Variants in ZNF536 observed in about 807,000 individuals in gnomAD.
ZNF536 encodes the protein zinc finger protein 536.
Under a neutral mutation model 84.5 loss-of-function variants are expected in ZNF536, and 13 were observed. The observed-to-expected ratio is 0.15, with a 90% confidence interval of 0.10 to 0.24. The LOEUF (loss-of-function observed/expected upper bound fraction) is 0.24. ZNF536 is among the 10% of genes least tolerant of loss of function. The pLI is 1.00. For synonymous variants in ZNF536, 811 were observed against 742.5 expected, an observed-to-expected ratio of 1.09 and a Z score of -1.50; for missense variants, 1,536 against 1,747.5, an observed-to-expected ratio of 0.88 and a Z score of 2.16.
In ZNF536 at chr19:30,557,788, C is replaced by T. The variant is rs1230009729; in HGVS notation, c.*624C>T. 4 of 152,492 alleles carry T rather than the reference C, an allele frequency of 2.6e-5. No individual in the cohort carries two copies. The highest frequency in any genetic ancestry group is 5.9e-5 in the Non-Finnish European group (4 of 68,040). The allele number at this position is 152,492 out of a possible 1,614,324, so 9.4% of individuals were successfully genotyped here. A position where few individuals can be genotyped will look rare whatever the true frequency, so the allele number is the denominator to read the frequency against. ...TACAACTTAAAAATGGTGATTGAAG[C>T]AAAATATGTAAACTTGTACGGGGTG... On this transcript the variant is annotated 3_prime_UTR_variant, in exon 5 of 5. Coordinates refer to ENST00000355537, the MANE Select transcript of ZNF536 (RefSeq NM_014717.3).
At chr19:30,389,365 C>T (rs965698252) in intron 1 of ZNF536, among the ~76,000 whole-genome samples, 1 of 152,114 alleles carries the variant, frequency 6.6e-6, no homozygotes, top group Non-Finnish European at 1.5e-5. Flanking sequence ...AAAAATCTAG[C>T]GACCATAGAT....
intron 1 of ZNF536, among the ~76,000 whole-genome samples, chr19:30,647,033 T>G (rs1052100058): frequency 6.6e-6 from 1 of 152,170 alleles, no homozygotes; most frequent in Non-Finnish European, 1.5e-5. Flanking sequence ...CCGCTGGAGA[T>G]TAGTCCTTTG....
At chr19:30,425,490 AG>A (rs1204395782) in intron 1 of ZNF536, among the ~76,000 whole-genome samples, 1 of 152,192 alleles carries the variant, frequency 6.6e-6, no homozygotes, top group African/African-American at 2.4e-5. Flanking sequence ...TGTTTGATCC[AG>A]GGGCTCAAAT....
chr19:30,680,259 A>ATTTTC (rs1229098320), intron 1 of ZNF536, among the ~76,000 whole-genome samples: 9 of 131,844 alleles, frequency 6.8e-5, no homozygotes, highest in Non-Finnish European at 1.5e-4. Flanking sequence ...ATTTTATTTT[A>ATTTTC]TTATTATTAT....
intron 1 of ZNF536, among the ~76,000 whole-genome samples, chr19:30,578,412 C>G (rs949054785): frequency 6.6e-6 from 1 of 152,234 alleles, no homozygotes; most frequent in South Asian, 2.1e-4. Flanking sequence ...AGGCATAATG[C>G]CTGCCTTGGC....
chr19:30,595,193 G>A (rs530732227), intron 1 of ZNF536, among the ~76,000 whole-genome samples: 16 of 152,262 alleles, frequency 1.1e-4, no homozygotes, highest in East Asian at 5.8e-4. Context: ...GGAGACCTTC[G>A]TTTCCCCATG....
intron 1 of ZNF536, among the ~76,000 whole-genome samples, chr19:30,429,857 C>A (rs144897835): frequency 6.6e-6 from 1 of 152,126 alleles, no homozygotes; most frequent in Non-Finnish European, 1.5e-5. Context: ...GAAAAAGGCA[C>A]GTTGAAGGAC....
intron 2 of ZNF536, among the ~76,000 whole-genome samples, chr19:30,461,067 C>A (rs1204546755): frequency 6.6e-6 from 1 of 152,122 alleles, no homozygotes; most frequent in Non-Finnish European, 1.5e-5. Flanking sequence ...TAGGGTGAGC[C>A]CAGGCCTCTG....
At chr19:30,426,497 G>T (rs566014096) in intron 1 of ZNF536, among the ~76,000 whole-genome samples, 1 of 152,314 alleles carries the variant, frequency 6.6e-6, no homozygotes, top group East Asian at 1.9e-4. Context: ...GAAAGTCTTA[G>T]GTGAATCTTT....
rs900431732 is a variant in ZNF536, at chr19:30,246,374, G to A, written c.-190+17701G>A. 5.3e-5 allele frequency among the ~76,000 whole-genome samples: 8 copies of A among 152,262 alleles called. No individual in the cohort carries two copies. In the South Asian group the frequency reaches 8.3e-4, roughly 16 times the overall value. On this transcript the variant is annotated intron_variant, in intron 1 of 5. Coordinates refer to the ZNF536 transcript ENST00000585628. ...GGAATCAGAGAGGGAAAGAAGTCTC[G>A]ATTTTCTCCCGTCTGTCTCATAGAA...
intron 2 of ZNF536, among the ~76,000 whole-genome samples, chr19:30,480,525 A>G (rs1218370690): frequency 6.6e-6 from 1 of 152,048 alleles, no homozygotes; most frequent in Admixed American, 6.5e-5. Context: ...AGGGAGGGGA[A>G]CATCACACAC....
chr19:30,556,935 T>G, intron 4 of ZNF536: 1 of 526,052 alleles, frequency 1.9e-6, no homozygotes, highest in Non-Finnish European at 3.4e-6. Context: ...TCCTATTACT[T>G]AGTGCTGATC....
intron 1 of ZNF536, among the ~76,000 whole-genome samples, chr19:30,688,807 A>C (rs2051297267): frequency 6.6e-6 from 1 of 151,574 alleles, no homozygotes; most frequent in Admixed American, 6.6e-5. Context: ...ACTGGGGGAA[A>C]CTCTGTGTTG....
intron 1 of ZNF536, among the ~76,000 whole-genome samples, chr19:30,634,491 GAAA>G (rs747537493): frequency 6.6e-6 from 1 of 151,984 alleles, no homozygotes; most frequent in African/African-American, 2.4e-5. Flanking sequence ...GAATTTCCTA[GAAA>G]AAAGGAGGGA....
Position 30,246,286 on chromosome 19 carries a change from C to T in ZNF536, c.-190+17613C>T, listed in dbSNP as rs993118601. Among the ~76,000 whole-genome samples, 3 of 152,068 alleles carry T rather than the reference C, an allele frequency of 2.0e-5. No individual in the cohort carries two copies. In the East Asian group the frequency reaches 5.8e-4, roughly 29 times the overall value. On this transcript the variant is annotated intron_variant, in intron 1 of 5. Coordinates refer to the ZNF536 transcript ENST00000585628. ...CTGAGAGTGTTGGGATTGTATTGCT[C>T]GCGTATTTCTCCCCACAAGTCAACA...
At chr19:30,638,648 C>T (rs1357971525) in intron 1 of ZNF536, among the ~76,000 whole-genome samples, 1 of 152,194 alleles carries the variant, frequency 6.6e-6, no homozygotes, top group Non-Finnish European at 1.5e-5. Flanking sequence ...CAACATTTTA[C>T]AATTCTCTAC....
At chr19:30,235,302 G>A (rs973930648) in intron 1 of ZNF536, among the ~76,000 whole-genome samples, 36 of 152,216 alleles carry the variant, frequency 2.4e-4, no homozygotes, top group African/African-American at 6.5e-4. Flanking sequence ...CCCAGGAGGC[G>A]CGTGTCTCAG....
chr19:30,488,435 G>A (rs1040033901), intron 2 of ZNF536, among the ~76,000 whole-genome samples: 2 of 152,114 alleles, frequency 1.3e-5, no homozygotes, highest in Non-Finnish European at 2.9e-5. Flanking sequence ...CCGGAATCTG[G>A]AGTTGTGGTT....
intron 1 of ZNF536, among the ~76,000 whole-genome samples, chr19:30,577,971 T>C (rs931837967): frequency 8.5e-5 from 13 of 152,234 alleles, no homozygotes; most frequent in African/African-American, 3.1e-4. Context: ...GAATCACTCT[T>C]TTAAAACAGA....
Sources: gnomAD v4.1 joint callset for allele counts (sites outside exome capture counted in the v4.1 genomes callset) on GRCh38, gnomAD v4.1.1 for gene constraint, MANE v1.5 for transcripts, NCBI Gene and HGNC (gene_info 2026-07-23, HGNC 2026-07-21) for gene names.